PREX1: variants seen among roughly 807,000 people sequenced by gnomAD.
PREX1 encodes phosphatidylinositol 3,4,5-trisphosphate-dependent Rac exchanger 1 protein.
A neutral mutation model predicts 198.3 loss-of-function variants in PREX1; 41 were observed. The observed-to-expected ratio is 0.21, with a 90% confidence interval of 0.16 to 0.27. The LOEUF (loss-of-function observed/expected upper bound fraction) is 0.27, where lower values mean the gene tolerates loss of function less well. Ranked by LOEUF, PREX1 falls within the 10% of genes least tolerant of loss-of-function variation. The pLI is 1.00. For missense variants in PREX1, 1,620 were observed against 2,200.7 expected (o/e 0.74, Z 5.28); for synonymous variants, 843 against 887.2 (o/e 0.95, Z 0.89).
intron 7 of PREX1, among the ~76,000 whole-genome samples, chr20:48,696,432 A>G (rs191836060): frequency 1.3e-5 from 2 of 152,284 alleles, no homozygotes; most frequent in East Asian, 1.9e-4. Flanking sequence ...CCATTACTCT[A>G]CGTGTCTGTT....
rs1292845629 is a variant in PREX1, at chr20:48,803,881, CAAGT to C, written c.219+23757_219+23760del. On this transcript the variant is annotated intron_variant, in intron 1 of 39. Coordinates refer to ENST00000371941, the MANE Select transcript of PREX1 (RefSeq NM_020820.4). ...GTGCCTGAGGCCATTACTCCTGAGT[CAAGT>C]AAGCCCAGAAAGTCTTTTTTTGTTT... 2.6e-5 allele frequency among the ~76,000 whole-genome samples: 4 copies of C among 152,342 alleles called. No homozygotes were observed. The East Asian group carries it at 7.7e-4, about 29-fold the overall frequency.
chr20:48,651,086 C>G (rs748320301), intron 22 of PREX1, 31 bp from the exon 23 acceptor site: 2 of 1,609,678 alleles, frequency 1.2e-6, no homozygotes, highest in African/African-American at 2.7e-5. Flanking sequence ...ACTGAGCATT[C>G]CCTGTGTGCC....
intron 1 of PREX1, among the ~76,000 whole-genome samples, chr20:48,772,995 G>C (rs537233485): frequency 6.6e-6 from 1 of 152,182 alleles, no homozygotes; most frequent in Non-Finnish European, 1.5e-5. Flanking sequence ...GGCCAGGCGC[G>C]GTGGCTCATG....
At position 48,696,977 on chromosome 20, in the gene PREX1, T is replaced by TAC. The variant is rs11467059; in HGVS notation, c.917+3774_917+3775dup. On this transcript the variant is annotated intron_variant, in intron 7 of 39. Coordinates refer to ENST00000371941, the MANE Select transcript of PREX1 (RefSeq NM_020820.4). ...GTCAACTGCTTATTATAAATCTCTT[T>TAC]ACACACACACACACACACACACACA... is the stretch of plus-strand genomic sequence containing the variant. 8.4e-3 allele frequency among the ~76,000 whole-genome samples: 1,248 copies of TAC among 148,692 alleles called. 2 individuals carry two copies. The highest frequency in any genetic ancestry group is 9.2e-3 in the Non-Finnish European group (615 of 67,096).
chr20:48,658,955 G>A (rs1055050225), intron 16 of PREX1, among the ~76,000 whole-genome samples: 15 of 151,996 alleles, frequency 9.9e-5, no homozygotes, highest in Admixed American at 7.2e-4. Flanking sequence ...GAGGTCAGGC[G>A]CAATGGCTCA....
intron 1 of PREX1, among the ~76,000 whole-genome samples, chr20:48,826,915 C>T (rs2090511709): frequency 6.6e-6 from 1 of 152,080 alleles, no homozygotes; most frequent in Non-Finnish European, 1.5e-5. Context: ...CTTCATAGAC[C>T]GCCTGTGAAG....
chr20:48,692,877 G>A, intron 7 of PREX1, 87 bp from the exon 8 acceptor site: 1 of 1,128,082 alleles, frequency 8.9e-7, no homozygotes. Context: ...ACACAACACT[G>A]AGGGGCATCC....
In PREX1 at chr20:48,666,876, G is replaced by A. The variant is rs1203607072; in HGVS notation, c.1666-521C>T. Among the ~76,000 whole-genome samples the A allele has an allele frequency of 1.3e-5, 2 of 152,184 alleles. No homozygotes were observed. The highest frequency in any genetic ancestry group is 4.8e-5 in the African/African-American group (2 of 41,430). Reference sequence around the variant, plus strand: ...CCAAACAAGACTATTTTATTGTACTGTGATCAATACCGCAAAGAAAAAATG... The same window carrying A: ...CCAAACAAGACTATTTTATTGTACTATGATCAATACCGCAAAGAAAAAATG... On this transcript the variant is annotated intron_variant, in intron 14 of 39. Coordinates refer to ENST00000371941, the MANE Select transcript of PREX1 (RefSeq NM_020820.4). The surrounding 1 kb of genome is among the most constrained non-coding windows in gnomAD (Gnocchi z 4.3).
rs146252906 is a variant in PREX1 at position 48,653,634 on chromosome 20, GC to G, written c.2210-138del. ...CCTCCACCCCTCCCACCCCAGAGCC[GC>G]CCTCTGACACTCCAGTGCAAAGAAT... is the stretch of plus-strand genomic sequence containing the variant. On this transcript the variant is annotated intron_variant, in intron 19 of 39. Coordinates refer to ENST00000371941, the MANE Select transcript of PREX1 (RefSeq NM_020820.4). The G allele has an allele frequency of 1.0e-3, 1,101 of 1,059,740 alleles. 9 individuals carry two copies. The African/African-American group carries it at 0.016, about 16-fold the overall frequency. 65.6% of individuals were successfully genotyped at this position (1,059,740 alleles called of 1,614,324 possible).
intron 4 of PREX1, among the ~76,000 whole-genome samples, chr20:48,730,290 C>T (rs1373899273): frequency 6.6e-6 from 1 of 152,084 alleles, no homozygotes; most frequent in Non-Finnish European, 1.5e-5. Context: ...CTGCTCAAAA[C>T]CCTCCCACGG....
chr20:48,769,519 AG>A lies in PREX1; in HGVS notation c.220-21640del, dbSNP rs1270840871. ...CTTTCTGCTTAAAATCCTCCAACAG[AG>A]GCTGCGCTATCAGAATGAGCTCACA... is the stretch of plus-strand genomic sequence containing the variant. On this transcript the variant is annotated intron_variant, in intron 1 of 39. Coordinates refer to ENST00000371941, the MANE Select transcript of PREX1 (RefSeq NM_020820.4). Among the ~76,000 whole-genome samples, 6 of 152,304 alleles carry A rather than the reference AG, an allele frequency of 3.9e-5. No homozygotes were observed. The East Asian group carries it at 1.2e-3, about 29-fold the overall frequency.
intron 1 of PREX1, among the ~76,000 whole-genome samples, chr20:48,753,129 C>A (rs2090141396): frequency 1.3e-5 from 2 of 152,026 alleles, no homozygotes; most frequent in African/African-American, 4.8e-5. Context: ...CCAGGGTCCC[C>A]AGAGCTCTAG....
chr20:48,841,071 G>A, the PREX1 span, among the ~76,000 whole-genome samples: 14 of 152,002 alleles, frequency 9.2e-5, no homozygotes, highest in Admixed American at 7.2e-4. Context: ...CTACAGGCAC[G>A]TGCCACCATG....
At chr20:48,856,670 G>A in the PREX1 span, among the ~76,000 whole-genome samples, 63 of 152,266 alleles carry the variant, frequency 4.1e-4, no homozygotes, top group African/African-American at 1.4e-3. Context: ...TTCCCCTAGG[G>A]CAAGAGGGGG....
intron 19 of PREX1, 23 bp downstream of exon 19, chr20:48,655,267 T>C: frequency 6.6e-7 from 1 of 1,520,646 alleles, no homozygotes; most frequent in Non-Finnish European, 9.1e-7. Context: ...ACCTTTCCCC[T>C]CTCTCCCAAG....
At chr20:48,685,831 C>T (rs532523007) in intron 10 of PREX1, among the ~76,000 whole-genome samples, 1 of 152,126 alleles carries the variant, frequency 6.6e-6, no homozygotes, top group African/African-American at 2.4e-5. Flanking sequence ...GAGTTTGAGG[C>T]TACAGTGAGT....
intron 1 of PREX1, among the ~76,000 whole-genome samples, chr20:48,820,588 A>G (rs1006245390): frequency 6.6e-6 from 1 of 152,220 alleles, no homozygotes; most frequent in Non-Finnish European, 1.5e-5. Flanking sequence ...ACGATCTGAG[A>G]GCACAGGTGG....
chr20:48,836,902 CAAAAAAAAAAA>C, the PREX1 span, among the ~76,000 whole-genome samples: 3 of 56,074 alleles, frequency 5.4e-5, no homozygotes, highest in Non-Finnish European at 6.2e-5. Flanking sequence ...ACTCTGTCTC[CAAAAAAAAAAA>C]AAAAAAAAAA....
chr20:48,720,264 AT>A (rs753540366), intron 5 of PREX1, among the ~76,000 whole-genome samples: 2 of 151,894 alleles, frequency 1.3e-5, no homozygotes, highest in Non-Finnish European at 2.9e-5. Flanking sequence ...CCTGATATTT[AT>A]TTTTTCCACA....
Sources: gnomAD v4.1 joint callset for allele counts (sites outside exome capture counted in the v4.1 genomes callset) on GRCh38, gnomAD v4.1.1 for gene constraint, Gnocchi (gnomAD v3.1) non-coding constraint, MANE v1.5 for transcripts, NCBI Gene and HGNC (gene_info 2026-07-23, HGNC 2026-07-21) for gene names.